The following PPP2CA variants were observed in gnomAD, a reference collection of about 807,000 sequenced individuals.
PPP2CA encodes serine/threonine-protein phosphatase 2A catalytic subunit alpha isoform.
Under a neutral mutation model 38.8 loss-of-function variants are expected in PPP2CA, and 5 were observed. The observed-to-expected ratio is 0.13, with a 90% CI of 0.07 to 0.27. The LOEUF is 0.27. PPP2CA is among the 10% of genes least tolerant of loss of function. The probability of loss-of-function intolerance (pLI) is 1.00; values close to 1 mark genes in which losing one functional copy is unlikely to be tolerated. For synonymous variants in PPP2CA, 152 were observed against 134.0 expected, an observed-to-expected ratio of 1.13 and a Z score of -0.93; for missense variants, 88 against 389.7, an observed-to-expected ratio of 0.23 and a Z score of 6.52.
At chr5:134,210,855 TTTTGA>T (rs1762189920) in intron 1 of PPP2CA, among the ~76,000 whole-genome samples, 1 of 152,174 alleles carries the variant, frequency 6.6e-6, no homozygotes, top group African/African-American at 2.4e-5. Flanking sequence ...ACCACACTGG[TTTTGA>T]TTTATCAGAA....
intron 1 of PPP2CA, among the ~76,000 whole-genome samples, chr5:134,217,446 TA>T (rs1300720834): frequency 6.6e-6 from 1 of 152,246 alleles, no homozygotes; most frequent in East Asian, 1.9e-4. Flanking sequence ...TTTTGAATTT[TA>T]TTTTTCAGTT....
intron 1 of PPP2CA, among the ~76,000 whole-genome samples, chr5:134,217,020 G>A (rs1028921202): frequency 6.6e-5 from 10 of 152,294 alleles, no homozygotes; most frequent in Admixed American, 3.9e-4. Context: ...AGTGGCTCAC[G>A]CCTGTAATCC....
intron 1 of PPP2CA, among the ~76,000 whole-genome samples, chr5:134,216,395 C>T (rs1762320935): frequency 6.6e-6 from 1 of 151,642 alleles, no homozygotes; most frequent in South Asian, 2.1e-4. Flanking sequence ...CAAAAATTAG[C>T]TGGGCATGGT....
At chr5:134,218,873 G>T (rs1272057258) in intron 1 of PPP2CA, among the ~76,000 whole-genome samples, 1 of 152,020 alleles carries the variant, frequency 6.6e-6, no homozygotes, top group African/African-American at 2.4e-5. Flanking sequence ...GTTTCACCGT[G>T]CTAGCCAGGA....
chr5:134,204,272 G>A (rs1040400484), intron 2 of PPP2CA, among the ~76,000 whole-genome samples: 3 of 152,218 alleles, frequency 2.0e-5, no homozygotes, highest in African/African-American at 4.8e-5. Flanking sequence ...ATCTCCCCAA[G>A]ATTTTTGGGT....
At chr5:134,222,698 C>T (rs1488740552) in intron 1 of PPP2CA, among the ~76,000 whole-genome samples, 2 of 152,206 alleles carry the variant, frequency 1.3e-5, no homozygotes, top group Admixed American at 6.5e-5. Flanking sequence ...TTACTCCTTT[C>T]AATCTGTAGA....
chr5:134,200,960 G>T (rs1761956919), intron 4 of PPP2CA, 25 bp downstream of exon 4: 4 of 1,551,236 alleles, frequency 2.6e-6, no homozygotes, highest in Admixed American at 1.7e-5. Flanking sequence ...TTTTCTGAAA[G>T]AATTTTATCA....
rs570055138 is a variant in PPP2CA at position 134,217,330 on chromosome 5, G to A, written c.102+8430C>T. Reference sequence around the variant, plus strand: ...CTGATTATTAATTCTAATGTTCATTGTAACTCTAGTTCAAGTAAATTTAAC... The same window carrying A: ...CTGATTATTAATTCTAATGTTCATTATAACTCTAGTTCAAGTAAATTTAAC... On this transcript the variant is annotated intron_variant, in intron 1 of 6. Transcript: ENST00000481195. 2.0e-5 allele frequency among the ~76,000 whole-genome samples: 3 copies of A among 152,130 alleles called. No homozygotes were observed. In the East Asian group the frequency reaches 5.8e-4, roughly 29 times the overall value.
At chr5:134,220,456 C>CAAAAAAAAAAAAAAA (rs10649430) in intron 1 of PPP2CA, among the ~76,000 whole-genome samples, 1 of 54,046 alleles carries the variant, frequency 1.9e-5, no homozygotes, top group African/African-American at 6.8e-5. Context: ...GACTCTATCT[C>CAAAAAAAAAAAAAAA]AAAAAAAAAA....
Position 134,211,562 on chromosome 5 carries a change from C to T in PPP2CA, c.103-5431G>A, listed in dbSNP as rs532344739. Among the ~76,000 whole-genome samples the T allele has an allele frequency of 1.1e-3, 169 of 151,162 alleles. 1 individual carries two copies. The highest frequency in any genetic ancestry group is 3.4e-3 in the African/African-American group (138 of 41,182). ...TGCGATCTCGGTTCGCTGCAACCTCCGCCTCCTAGGTTCAAGTGATTCTCC... is the reference window on the plus strand; with the variant it reads ...TGCGATCTCGGTTCGCTGCAACCTCTGCCTCCTAGGTTCAAGTGATTCTCC... On this transcript the variant is annotated intron_variant, in intron 1 of 6. Transcript: ENST00000481195.
chr5:134,211,204 C>T (rs1762197191), intron 1 of PPP2CA, among the ~76,000 whole-genome samples: 1 of 152,082 alleles, frequency 6.6e-6, no homozygotes, highest in Non-Finnish European at 1.5e-5. Context: ...AATCCTCCCA[C>T]CTTAGTCTCC....
At chr5:134,222,598 C>G (rs1322786471) in intron 1 of PPP2CA, among the ~76,000 whole-genome samples, 1 of 151,852 alleles carries the variant, frequency 6.6e-6, no homozygotes, top group Non-Finnish European at 1.5e-5. Context: ...AAGCACAAAG[C>G]CAAGAAATCA....
chr5:134,216,557 A>AAAAAAAAAAAAAAAAAAAAAAAAAG lies in PPP2CA; in HGVS notation c.102+9202_102+9203insCTTTTTTTTTTTTTTTTTTTTTTTT, dbSNP rs57520870. 4.5e-5 allele frequency among the ~76,000 whole-genome samples: 5 copies of AAAAAAAAAAAAAAAAAAAAAAAAAG among 111,082 alleles called. 2 individuals are homozygous for AAAAAAAAAAAAAAAAAAAAAAAAAG. The highest frequency in any genetic ancestry group is 7.1e-5 in the African/African-American group (2 of 28,180). 72.9% of individuals were successfully genotyped at this position (111,082 alleles called of 152,430 possible). ...TGCCTCAAAAAAAAAAAAAAAAAAA[A>AAAAAAAAAAAAAAAAAAAAAAAAAG]GTGGTTTCCTTCAAAAGAAGGTAGT... On this transcript the variant is annotated intron_variant, in intron 1 of 6. Transcript: ENST00000481195.
At chr5:134,222,210 A>C (rs1239493935) in intron 1 of PPP2CA, among the ~76,000 whole-genome samples, 1 of 152,070 alleles carries the variant, frequency 6.6e-6, no homozygotes, top group African/African-American at 2.4e-5. Flanking sequence ...TGAGAACAAT[A>C]TCTTATAAAA....
chr5:134,222,274 T>C (rs1380400550), intron 1 of PPP2CA, among the ~76,000 whole-genome samples: 1 of 152,142 alleles, frequency 6.6e-6, no homozygotes. Flanking sequence ...TTGTCCTCAA[T>C]ATTCAAATCA....
intron 1 of PPP2CA, among the ~76,000 whole-genome samples, chr5:134,220,261 C>T (rs2149388421): frequency 6.6e-6 from 1 of 151,796 alleles, no homozygotes; most frequent in South Asian, 2.1e-4. Context: ...GAGTTCAAGA[C>T]CAGCCTGGCC....
At chr5:134,221,760 A>G (rs1460952776) in intron 1 of PPP2CA, among the ~76,000 whole-genome samples, 2 of 152,174 alleles carry the variant, frequency 1.3e-5, no homozygotes, top group East Asian at 1.9e-4. Flanking sequence ...ACTGAAGGTC[A>G]GGAGTTCGAG....
intron 1 of PPP2CA, chr5:134,224,444 CTTGGAAACAT>C (rs2149389757): frequency 1.1e-5 from 4 of 370,502 alleles, no homozygotes; most frequent in South Asian, 8.1e-5. Flanking sequence ...AAAAGCCTGT[CTTGGAAACAT>C]ATACGTCAAA....
rs755652060 is a variant in PPP2CA at position 134,225,773 on chromosome 5, C to A, written c.89G>T (p.Ser30Ile). 2 of 1,608,706 alleles carry A rather than the reference C, an allele frequency of 1.2e-6. No individual in the cohort carries two copies. The highest frequency in any genetic ancestry group is 2.2e-5 in the South Asian group (2 of 90,728). The stretch of plus-strand genomic sequence containing the variant: ...ACTACAGCTCACCTTCTCGCAGAGG[C>A]TCTTGACCTGGGACTCGGACAGCTG... The part of the protein sequence containing the change: ...CKQLSESQVK[S>I]LCEKAKEILT... The change falls in exon 1 of 7, where the codon AGC (serine) becomes ATC (isoleucine). Residue 30 changes from serine (S) to isoleucine (I), a missense_variant. By Grantham distance (142) the Ser-to-Ile change is moderately radical. This residue lies in a region of PPP2CA where 34 missense variants were observed against 57.1 expected (regional missense o/e 0.60). Transcript: ENST00000481195.
Sources: allele counts gnomAD v4.1 joint callset (sites outside exome capture counted in the v4.1 genomes callset), GRCh38; gene constraint gnomAD v4.1.1; regional missense constraint gnomAD v4.1.1; transcripts MANE v1.5; gene names NCBI Gene and HGNC (gene_info 2026-07-23, HGNC 2026-07-21).